The following STAC variants were observed in gnomAD, a reference collection of about 807,000 sequenced individuals.
The protein encoded by STAC is SH3 and cysteine rich domain, also known as SH3 and cysteine-rich domain-containing protein.
In STAC, 43 loss-of-function variants were observed where a neutral mutation model predicts 48.8. The ratio of observed to expected loss-of-function variants is 0.88; its 90% CI spans 0.69 to 1.14. The LOEUF (loss-of-function observed/expected upper bound fraction) is 1.14, where lower values mean the gene tolerates loss of function less well. Among genes scored for constraint, STAC ranks in the 50% most tolerant of loss-of-function variants. The pLI, the probability that STAC is intolerant of heterozygous loss-of-function variation, is 0.00. For synonymous variants in STAC, 193 were observed against 179.5 expected (o/e 1.07, Z -0.60); for missense variants, 497 against 504.0 (o/e 0.99, Z 0.13).
chr3:36,530,239 A>G (rs1699030628), intron 10 of STAC, among the ~76,000 whole-genome samples: 1 of 152,216 alleles, frequency 6.6e-6, no homozygotes, highest in Admixed American at 6.5e-5. Flanking sequence ...TGGTATAAGA[A>G]TTTTATTATT....
chr3:36,529,588 T>C (rs905543336), intron 10 of STAC, among the ~76,000 whole-genome samples: 1 of 152,212 alleles, frequency 6.6e-6, no homozygotes, highest in African/African-American at 2.4e-5. Flanking sequence ...TCTTTGATGC[T>C]GTCAATTTTC....
rs111306442 is a variant in STAC at position 36,380,700 on chromosome 3, G to T, written c.57G>T (p.Ala19=). The change falls in exon 1 of 11, where the codon GCG becomes GCT. Residue 19 remains alanine, a synonymous_variant. Transcript: ENST00000273183. ...EDGVDGLPKE[A]VGAEQPPSPA... The stretch of plus-strand genomic sequence containing the variant: ...GCGTGGACGGGCTGCCCAAGGAGGC[G>T]GTGGGCGCCGAGCAACCGCCCTCTC... 8 of 1,611,370 alleles carry T rather than the reference G, an allele frequency of 5.0e-6. No individual in the cohort carries two copies. Among genetic ancestry groups the T allele is most frequent in the Non-Finnish European group, 2.5e-6 (3 of 1,179,210 alleles).
chr3:36,413,810 T>G (rs981828644), intron 1 of STAC, among the ~76,000 whole-genome samples: 1 of 152,248 alleles, frequency 6.6e-6, no homozygotes, highest in Admixed American at 6.5e-5. Context: ...CAGTGGCTGG[T>G]ACCAGTTGCT....
intron 1 of STAC, among the ~76,000 whole-genome samples, chr3:36,434,196 T>G (rs1465459349): frequency 6.6e-6 from 1 of 151,820 alleles, no homozygotes; most frequent in Non-Finnish European, 1.5e-5. Flanking sequence ...GCGGCTGGAG[T>G]GTGAAGGGAG....
intron 10 of STAC, chr3:36,529,304 C>T (rs999211011): frequency 2.3e-5 from 4 of 173,286 alleles, no homozygotes; most frequent in Non-Finnish European, 3.7e-5. Context: ...TCTGAGTTAG[C>T]GTCCAACAAA....
chr3:36,503,761 A>G (rs1476623743), intron 6 of STAC, among the ~76,000 whole-genome samples: 1 of 152,120 alleles, frequency 6.6e-6, no homozygotes, highest in Non-Finnish European at 1.5e-5. Context: ...AGACTTGTCC[A>G]CTATCAAAGG....
chr3:36,452,736 T>C (rs1696718698), intron 2 of STAC, among the ~76,000 whole-genome samples: 1 of 152,214 alleles, frequency 6.6e-6, no homozygotes, highest in African/African-American at 2.4e-5. Context: ...TATACTGATA[T>C]CTGGGAACGC....
chr3:36,435,481 T>C (rs73065708), intron 1 of STAC, among the ~76,000 whole-genome samples: 3,540 of 152,102 alleles, frequency 0.023, 59 homozygotes, highest in East Asian at 0.026. Context: ...TCAGATTTAA[T>C]ACATGCTGGA....
rs908683071 is a variant in STAC at position 36,398,336 on chromosome 3, A to AAAGAAAGC, written c.111+17589_111+17590insCAAGAAAG. 9.7e-5 allele frequency among the ~76,000 whole-genome samples: 11 copies of AAAGAAAGC among 113,240 alleles called. 1 individual carries two copies. The highest frequency in any genetic ancestry group is 2.3e-4 in the Non-Finnish European group (11 of 48,400). 74.3% of individuals were successfully genotyped at this position (113,240 alleles called of 152,430 possible). A position where few individuals can be genotyped will look rare whatever the true frequency, so the allele number is the denominator to read the frequency against. Reference sequence around the variant, plus strand: ...GAAAGAAAGCAAGAAAGAAAGAAAGAAAGAAAGAAAGAAAGAAAGAAAGAA... The same window carrying AAAGAAAGC: ...GAAAGAAAGCAAGAAAGAAAGAAAGAAAGAAAGCAAGAAAGAAAGAAAGAAAGAAAGAA... On this transcript the variant is annotated intron_variant, in intron 1 of 10. Coordinates refer to ENST00000273183, the MANE Select transcript of STAC (RefSeq NM_003149.3).
At chr3:36,384,853 G>T (rs1355037184) in intron 1 of STAC, among the ~76,000 whole-genome samples, 1 of 152,178 alleles carries the variant, frequency 6.6e-6, no homozygotes, top group Non-Finnish European at 1.5e-5. Context: ...TAACCATGAA[G>T]ACGTGCCCTG....
At chr3:36,508,904 T>TA (rs2125715876) in intron 8 of STAC, among the ~76,000 whole-genome samples, 1 of 152,358 alleles carries the variant, frequency 6.6e-6, no homozygotes, top group South Asian at 2.1e-4. Context: ...TTGGGGCACT[T>TA]AGCCCATTTT....
At chr3:36,459,501 T>G (rs1171295423) in intron 2 of STAC, among the ~76,000 whole-genome samples, 1 of 152,216 alleles carries the variant, frequency 6.6e-6, no homozygotes, top group East Asian at 1.9e-4. Context: ...AATAAAAGCA[T>G]GACAGAATCA....
intron 8 of STAC, among the ~76,000 whole-genome samples, chr3:36,523,760 G>C (rs1344043521): frequency 1.3e-5 from 2 of 152,226 alleles, no homozygotes; most frequent in African/African-American, 2.4e-5. Flanking sequence ...GGGGAAAGGA[G>C]AATTTTAAGC....
intron 1 of STAC, among the ~76,000 whole-genome samples, chr3:36,438,210 C>G (rs1041647051): frequency 6.6e-6 from 1 of 152,116 alleles, no homozygotes; most frequent in African/African-American, 2.4e-5. Context: ...GGATGACAGG[C>G]GTGAGCCACC....
intron 8 of STAC, among the ~76,000 whole-genome samples, chr3:36,525,176 C>G (rs192143604): frequency 1.6e-3 from 250 of 152,256 alleles, no homozygotes; most frequent in African/African-American, 5.7e-3. Context: ...AGATGACACT[C>G]TTTCAGAGCC....
chr3:36,409,728 T>C (rs910374943), intron 1 of STAC: 3 of 152,188 alleles, frequency 2.0e-5, no homozygotes, highest in African/African-American at 7.2e-5. Flanking sequence ...CAAGGTAATA[T>C]ATTTCAGGTA....
intron 2 of STAC, among the ~76,000 whole-genome samples, chr3:36,452,269 AT>A: frequency 1.3e-5 from 2 of 152,080 alleles, no homozygotes; most frequent in Non-Finnish European, 2.9e-5. Flanking sequence ...ATACTATCTG[AT>A]TCTCTTGTAT....
intron 8 of STAC, among the ~76,000 whole-genome samples, chr3:36,517,851 ACACT>A (rs931825253): frequency 1.7e-4 from 26 of 152,230 alleles, no homozygotes; most frequent in African/African-American, 6.3e-4. Flanking sequence ...CCTCCCACAC[ACACT>A]CACAGTCACA....
At chr3:36,444,555 T>G (rs1191360819) in intron 2 of STAC, among the ~76,000 whole-genome samples, 1 of 152,200 alleles carries the variant, frequency 6.6e-6, no homozygotes, top group East Asian at 1.9e-4. Context: ...TCTTAAGGCC[T>G]TGGGCCGGAG....
Sources: gnomAD v4.1 joint callset for allele counts (sites outside exome capture counted in the v4.1 genomes callset) on GRCh38, gnomAD v4.1.1 for gene constraint, MANE v1.5 for transcripts, NCBI Gene and HGNC (gene_info 2026-07-23, HGNC 2026-07-21) for gene names.